Variants in CHD5 observed in about 807,000 individuals in gnomAD.
CHD5 encodes the protein chromodomain helicase DNA binding protein 5.
In CHD5, 69 loss-of-function variants were observed where a neutral mutation model predicts 230.3. The observed-to-expected ratio is 0.30, with a 90% CI of 0.25 to 0.37. The LOEUF (loss-of-function observed/expected upper bound fraction) is 0.37, where lower values mean the gene tolerates loss of function less well. CHD5 is among the 10% of genes least tolerant of loss of function. CHD5 has a pLI of 1.00. For missense variants in CHD5, 1,827 were observed against 2,622.8 expected (o/e 0.70, Z 6.63); for synonymous variants, 1,064 against 1,065.9 (o/e 1.00, Z 0.03).
rs1667059377 is a variant in CHD5 at position 6,154,992 on chromosome 1, C to T, written c.507-94G>A. On this transcript the variant is annotated intron_variant, in intron 4 of 41. Transcript: ENST00000262450. This position sits in a 1 kb window ranked among gnomAD's most constrained non-coding sequence, Gnocchi z 7.0. The stretch of plus-strand genomic sequence containing the variant: ...AGGGCCCACCCCTCTGCCACATGTG[C>T]GATCTATGGCAGCAGCCCCAGGTTC... The T allele has an allele frequency of 1.0e-5, 11 of 1,084,928 alleles. No homozygotes were observed. The highest frequency in any genetic ancestry group is 9.2e-5 in the Admixed American group (4 of 43,530). The allele number at this position is 1,084,928 out of a possible 1,614,324, so 67.2% of individuals were successfully genotyped here. A position where few individuals can be genotyped will look rare whatever the true frequency, so the allele number is the denominator to read the frequency against.
chr1:6,148,316 G>A (rs1487631738), intron 9 of CHD5, among the ~76,000 whole-genome samples: 1 of 151,806 alleles, frequency 6.6e-6, no homozygotes, highest in Non-Finnish European at 1.5e-5. Context: ...TCCCGCCCTA[G>A]GAGCCTCCTG....
chr1:6,133,646 C>A (rs1666692930), intron 20 of CHD5, among the ~76,000 whole-genome samples: 1 of 152,250 alleles, frequency 6.6e-6, no homozygotes, highest in African/African-American at 2.4e-5. Context: ...GGTCCCTGCA[C>A]CCATGTGCCA....
At chr1:6,158,707 C>T (rs1182929075) in intron 3 of CHD5, among the ~76,000 whole-genome samples, 2 of 152,056 alleles carry the variant, frequency 1.3e-5, no homozygotes, top group East Asian at 1.9e-4. Flanking sequence ...GCAGGCAGAT[C>T]GCGAGGTCAA....
chr1:6,173,165 C>T (rs1338181002), intron 1 of CHD5, among the ~76,000 whole-genome samples: 5 of 150,674 alleles, frequency 3.3e-5, no homozygotes, highest in Non-Finnish European at 7.4e-5. Flanking sequence ...AGTGCAGTGG[C>T]GCGATCTCGG....
intron 15 of CHD5, among the ~76,000 whole-genome samples, chr1:6,139,162 A>C (rs1666789642): frequency 6.6e-6 from 1 of 152,212 alleles, no homozygotes; most frequent in South Asian, 2.1e-4. Context: ...AGATGAAAAG[A>C]GTTCTGCAGA....
chr1:6,146,660 C>T lies in CHD5; in HGVS notation c.1590+5G>A, dbSNP rs1234678244. ...CTTAGCACAGCCACCCTCCCGGGCA[C>T]TCACCTGTAGCTCCTTCACCCAGGA... On this transcript the variant is annotated splice_donor_5th_base_variant and intron_variant, in intron 10 of 41. Coordinates refer to ENST00000262450, the MANE Select transcript of CHD5 (RefSeq NM_015557.3). The surrounding 1 kb of genome is among the most constrained non-coding windows in gnomAD (Gnocchi z 5.1). The T allele has an allele frequency of 2.5e-6, 4 of 1,613,844 alleles. No individual in the cohort carries two copies. Among genetic ancestry groups the T allele is most frequent in the Non-Finnish European group, 3.4e-6 (4 of 1,179,954 alleles).
intron 11 of CHD5, among the ~76,000 whole-genome samples, chr1:6,145,263 A>G (rs1035059186): frequency 1.3e-5 from 2 of 152,230 alleles, no homozygotes; most frequent in Admixed American, 6.5e-5. Context: ...GCAGATGGGA[A>G]CCGGGATTGA....
rs1441069028 is a variant in CHD5 at position 6,112,928 on chromosome 1, G to A, written c.4983C>T (p.Asp1661=). 1.9e-6 allele frequency: 3 copies of A among 1,613,598 alleles called. No individual in the cohort carries two copies. The highest frequency in any genetic ancestry group is 1.7e-5 in the Admixed American group (1 of 60,002). The change falls in exon 34 of 42, where the codon GAC becomes GAT. Residue 1661 remains aspartate (D), a synonymous_variant. Coordinates refer to ENST00000262450, the MANE Select transcript of CHD5 (RefSeq NM_015557.3). ...CCAGACCTGGCCTGAGTTCGGAACTGTCCCCTCTGCTGTGGATCAAGCTCA... is the reference window on the plus strand; with the variant it reads ...CCAGACCTGGCCTGAGTTCGGAACTATCCCCTCTGCTGTGGATCAAGCTCA... ...LELSLIHSRG[D]SSELRPDDTK... is the part of the protein sequence containing the mutation.
intron 11 of CHD5, among the ~76,000 whole-genome samples, chr1:6,144,824 G>A (rs1451475235): frequency 1.3e-5 from 2 of 152,218 alleles, no homozygotes; most frequent in Non-Finnish European, 2.9e-5. Context: ...CAGACCCGGT[G>A]AGCAGCGGCT....
At chr1:6,151,264 T>C in intron 6 of CHD5, 109 bp from the exon 7 acceptor site, 5 of 1,290,682 alleles carry the variant, frequency 3.9e-6, no homozygotes, top group Non-Finnish European at 5.1e-6. Flanking sequence ...GGAGACACAG[T>C]GCTCTCTGTG....
chr1:6,160,352 C>A (rs999058633), intron 2 of CHD5, among the ~76,000 whole-genome samples: 3 of 108,650 alleles, frequency 2.8e-5, no homozygotes, highest in Admixed American at 2.6e-4. Context: ...AGAGCCCCAG[C>A]CAGGGAAGGG....
chr1:6,160,251 AGGAG>A (rs1667150834), intron 2 of CHD5, among the ~76,000 whole-genome samples: 1 of 76,150 alleles, frequency 1.3e-5, no homozygotes, highest in African/African-American at 8.8e-5. Flanking sequence ...CAGCCAGAGA[AGGAG>A]AGCCCCAGCC....
chr1:6,125,836 A>T lies in CHD5; in HGVS notation c.4101T>A (p.Asp1367Glu). ...EDQEWQDELSDNQSEYSIGSE... is the reference protein window; with the variant it reads ...EDQEWQDELSENQSEYSIGSE... ...AGCCAATGGAATATTCTGACTGGTTATCAGAGAGCTCATCCTGCCACTCTG... is the reference window on the plus strand; with the variant it reads ...AGCCAATGGAATATTCTGACTGGTTTTCAGAGAGCTCATCCTGCCACTCTG... The change falls in exon 27 of 42, where the codon GAT (aspartate) becomes GAA (glutamate). Residue 1367 changes from aspartate to glutamate, a missense_variant. Coordinates refer to ENST00000262450, the MANE Select transcript of CHD5 (RefSeq NM_015557.3). This position sits in a 1 kb window ranked among gnomAD's most constrained non-coding sequence, Gnocchi z 6.7. 6.2e-7 allele frequency: 1 copy of T among 1,612,926 alleles called. No homozygotes were observed. The highest frequency in any genetic ancestry group is 8.5e-7 in the Non-Finnish European group (1 of 1,179,884).
chr1:6,117,103 G>A (rs1286672356), intron 33 of CHD5, among the ~76,000 whole-genome samples: 1 of 151,880 alleles, frequency 6.6e-6, no homozygotes, highest in Non-Finnish European at 1.5e-5. Context: ...GGGGAAAAGA[G>A]GAGATATAAA....
chr1:6,113,311 C>G, intron 33 of CHD5: 1 of 427,420 alleles, frequency 2.3e-6, no homozygotes. Flanking sequence ...GTGGTCCCAC[C>G]TGTTCAGGAA....
chr1:6,171,271 C>T (rs1247237780), intron 1 of CHD5, among the ~76,000 whole-genome samples: 1 of 152,200 alleles, frequency 6.6e-6, no homozygotes, highest in Non-Finnish European at 1.5e-5. Flanking sequence ...AACAGGCCTT[C>T]GAGGACAAGG....
intron 15 of CHD5, among the ~76,000 whole-genome samples, chr1:6,139,617 C>G (rs2485024): frequency 0.38 from 57,119 of 150,784 alleles, 11,268 homozygotes; most frequent in East Asian, 0.7. Context: ...CAGACACAAT[C>G]ATGGCGCACT....
In CHD5 at chr1:6,111,896, C is replaced by A; in HGVS notation, c.5141-13G>T. 6.2e-7 allele frequency: 1 copy of A among 1,610,668 alleles called. No homozygotes were observed. Among genetic ancestry groups the A allele is most frequent in the South Asian group, 1.1e-5 (1 of 90,898 alleles). ...AGCGTGTGCAACTCTGGGAAACAAG[C>A]CAAGGTGAGCAGGGTGAGAAGTGCC... On this transcript the variant is annotated splice_polypyrimidine_tract_variant and intron_variant, in intron 35 of 41. Transcript: ENST00000262450.
chr1:6,147,037 C>T (rs1310698545), intron 9 of CHD5, among the ~76,000 whole-genome samples, 166 bp from the exon 10 acceptor site: 2 of 152,222 alleles, frequency 1.3e-5, no homozygotes, highest in Admixed American at 6.5e-5. Context: ...CCCCAGGAGC[C>T]GCATGGGTCA....
Sources: gnomAD v4.1 joint callset for allele counts (sites outside exome capture counted in the v4.1 genomes callset) on GRCh38, gnomAD v4.1.1 for gene constraint, Gnocchi (gnomAD v3.1) non-coding constraint, MANE v1.5 for transcripts, NCBI Gene and HGNC (gene_info 2026-07-23, HGNC 2026-07-21) for gene names.